The following ZFAND3 variants were observed in gnomAD, a reference collection of about 807,000 sequenced individuals.
The protein encoded by ZFAND3 is zinc finger AN1-type containing 3, also known as AN1-type zinc finger protein 3.
A neutral mutation model predicts 29.6 loss-of-function variants in ZFAND3; 10 were observed. That is an observed-to-expected ratio of 0.34 (90% CI 0.21 to 0.57). The LOEUF is 0.57. ZFAND3 is among the 20% of genes least tolerant of loss of function. The probability of loss-of-function intolerance (pLI) is 0.86; values close to 1 mark genes in which losing one functional copy is unlikely to be tolerated. For missense variants in ZFAND3, 230 were observed against 304.5 expected (o/e 0.76, Z 1.82); for synonymous variants, 128 against 112.6 (o/e 1.14, Z -0.87).
At chr6:37,941,251 A>G (rs185398659) in intron 2 of ZFAND3, among the ~76,000 whole-genome samples, 1 of 152,360 alleles carries the variant, frequency 6.6e-6, no homozygotes, top group Admixed American at 6.5e-5. Flanking sequence ...GTAGACTTAG[A>G]TGGAATTGTA....
At chr6:37,852,417 G>A (rs911997158) in intron 1 of ZFAND3, among the ~76,000 whole-genome samples, 5 of 152,120 alleles carry the variant, frequency 3.3e-5, no homozygotes, top group Admixed American at 3.3e-4. Flanking sequence ...AATCTAACCT[G>A]TACTTGTTTG....
intron 5 of ZFAND3, among the ~76,000 whole-genome samples, chr6:38,120,632 G>T (rs1026806638): frequency 1.3e-5 from 2 of 151,994 alleles, no homozygotes; most frequent in Non-Finnish European, 2.9e-5. Context: ...GGCCTTCTTG[G>T]CTTCTTAATC....
chr6:37,884,543 T>C (rs569347371), intron 1 of ZFAND3, among the ~76,000 whole-genome samples: 5 of 139,414 alleles, frequency 3.6e-5, no homozygotes, highest in East Asian at 4.0e-4. Context: ...TAAGTTTGCA[T>C]GTCTTTTGAG....
intron 2 of ZFAND3, among the ~76,000 whole-genome samples, chr6:37,956,577 AAATG>A (rs1269029900): frequency 2.0e-5 from 3 of 152,240 alleles, no homozygotes; most frequent in Non-Finnish European, 4.4e-5. Context: ...AGGGAGATTA[AAATG>A]AATGAGAAAT....
chr6:37,984,220 G>C (rs1762627699), intron 2 of ZFAND3, among the ~76,000 whole-genome samples: 1 of 152,190 alleles, frequency 6.6e-6, no homozygotes, highest in South Asian at 2.1e-4. Context: ...GATAGAGCAT[G>C]AAATTTCTTG....
At chr6:38,120,443 A>T (rs1765511926) in intron 5 of ZFAND3, among the ~76,000 whole-genome samples, 1 of 144,138 alleles carries the variant, frequency 6.9e-6, no homozygotes, top group Non-Finnish European at 1.5e-5. Flanking sequence ...CTCCTGCCTC[A>T]GCCTCCCTAG....
At chr6:37,946,933 A>G (rs1761914058) in intron 2 of ZFAND3, among the ~76,000 whole-genome samples, 1 of 152,134 alleles carries the variant, frequency 6.6e-6, no homozygotes, top group Admixed American at 6.5e-5. Context: ...GGAAGATGAA[A>G]AAAAGCTCTG....
At chr6:38,127,021 G>A (rs1765648317) in intron 5 of ZFAND3, among the ~76,000 whole-genome samples, 1 of 151,466 alleles carries the variant, frequency 6.6e-6, no homozygotes, top group South Asian at 2.1e-4. Flanking sequence ...CGATTCCTTA[G>A]GATTTTCTAC....
At position 38,154,374 on chromosome 6, in the gene ZFAND3, G is replaced by T. The variant is rs952481643; in HGVS notation, c.*1985G>T. The T allele has an allele frequency of 4.2e-5, 31 of 740,870 alleles. 1 individual carries two copies. The highest frequency in any genetic ancestry group is 6.7e-4 in the Middle Eastern group (1 of 1,502). The allele number at this position is 740,870 out of a possible 1,614,324, so 45.9% of individuals were successfully genotyped here. A position where few individuals can be genotyped will look rare whatever the true frequency, so the allele number is the denominator to read the frequency against. On this transcript the variant is annotated 3_prime_UTR_variant, in exon 6 of 6. Coordinates refer to ENST00000287218, the MANE Select transcript of ZFAND3 (RefSeq NM_021943.3). Reference sequence around the variant, plus strand: ...CATGTTCGCTTCCTGACTTAGAGCTGGGGGGGGTGGGGGGTGGGGCTTGTT... The same window carrying T: ...CATGTTCGCTTCCTGACTTAGAGCTTGGGGGGGTGGGGGGTGGGGCTTGTT...
At chr6:37,972,423 A>T (rs1581802786) in intron 2 of ZFAND3, among the ~76,000 whole-genome samples, 1 of 62,694 alleles carries the variant, frequency 1.6e-5, no homozygotes, top group Non-Finnish European at 3.7e-5. Flanking sequence ...TCCAGATATA[A>T]TATTCACACT....
chr6:38,145,656 T>C (rs938366766), intron 5 of ZFAND3, among the ~76,000 whole-genome samples: 4 of 152,152 alleles, frequency 2.6e-5, no homozygotes, highest in Non-Finnish European at 4.4e-5. Context: ...CATCAGATCT[T>C]TATGGGTCTT....
At chr6:37,862,301 A>T (rs961569137) in intron 1 of ZFAND3, among the ~76,000 whole-genome samples, 16 of 152,166 alleles carry the variant, frequency 1.1e-4, no homozygotes, top group African/African-American at 3.9e-4. Flanking sequence ...AGACGGCCTC[A>T]TTCACCCATC....
At chr6:37,974,822 A>G (rs1440618937) in intron 2 of ZFAND3, among the ~76,000 whole-genome samples, 2 of 152,164 alleles carry the variant, frequency 1.3e-5, no homozygotes, top group Non-Finnish European at 2.9e-5. Flanking sequence ...GGGTAGTACT[A>G]CAGACTGCCT....
intron 3 of ZFAND3, among the ~76,000 whole-genome samples, chr6:38,074,555 G>A (rs1045789329): frequency 2.6e-5 from 4 of 152,190 alleles, no homozygotes; most frequent in Admixed American, 2.0e-4. Flanking sequence ...GCAGAGGTTG[G>A]TTCATGAGGC....
In ZFAND3 at chr6:37,874,069, G is replaced by A. The variant is rs189209381; in HGVS notation, c.71+54053G>A. On this transcript the variant is annotated intron_variant, in intron 1 of 5. Coordinates refer to ENST00000287218, the MANE Select transcript of ZFAND3 (RefSeq NM_021943.3). ...TCATGATTCTTTCTGAAGGCTGTAA[G>A]TCTGAAATCAAGGTTTGTTGGCAGG... Among the ~76,000 whole-genome samples, 6 of 152,278 alleles carry A rather than the reference G, an allele frequency of 3.9e-5. 1 individual carries two copies. The East Asian group carries it at 9.6e-4, about 24-fold the overall frequency.
At chr6:37,990,182 T>G (rs1762735188) in intron 2 of ZFAND3, among the ~76,000 whole-genome samples, 1 of 152,148 alleles carries the variant, frequency 6.6e-6, no homozygotes, top group South Asian at 2.1e-4. Flanking sequence ...AGAATTTTCG[T>G]TTTTAGTAAG....
chr6:38,090,710 C>T (rs1223689242), intron 4 of ZFAND3, among the ~76,000 whole-genome samples: 2 of 152,054 alleles, frequency 1.3e-5, no homozygotes, highest in African/African-American at 4.8e-5. Context: ...TTTTGTTTCC[C>T]TGGAAGAACT....
At chr6:37,850,805 C>T (rs1164133577) in intron 1 of ZFAND3, among the ~76,000 whole-genome samples, 1 of 152,126 alleles carries the variant, frequency 6.6e-6, no homozygotes, top group Non-Finnish European at 1.5e-5. Flanking sequence ...TGCTATGTTG[C>T]CAAGGCTGGT....
chr6:38,132,955 A>T (rs1407187917), intron 5 of ZFAND3, among the ~76,000 whole-genome samples: 2 of 152,210 alleles, frequency 1.3e-5, no homozygotes, highest in Non-Finnish European at 2.9e-5. Flanking sequence ...CCAGCAGCCC[A>T]GCTCCCGCAG....
Sources: gnomAD v4.1 joint callset for allele counts (sites outside exome capture counted in the v4.1 genomes callset) on GRCh38, gnomAD v4.1.1 for gene constraint, MANE v1.5 for transcripts, NCBI Gene and HGNC (gene_info 2026-07-23, HGNC 2026-07-21) for gene names.